WDPCP: variants seen among roughly 807,000 people sequenced by gnomAD.
The protein encoded by WDPCP is WD repeat containing planar cell polarity effector.
WDPCP carries 71 observed loss-of-function variants against 93.1 expected under a neutral mutation model. The observed-to-expected ratio is 0.76, with a 90% CI of 0.63 to 0.93. The LOEUF (loss-of-function observed/expected upper bound fraction) is 0.93. Among genes scored for constraint, WDPCP ranks in the 40% least tolerant of loss-of-function variants. The probability of loss-of-function intolerance (pLI) is 0.00; values close to 1 mark genes in which losing one functional copy is unlikely to be tolerated. For missense variants in WDPCP, 844 were observed against 887.4 expected (o/e 0.95, Z 0.62); for synonymous variants, 315 against 315.0 (o/e 1.00, Z 0.00).
In WDPCP at chr2:63,434,385, T is replaced by C. The variant is rs796467617; in HGVS notation, c.634-449A>G. Among the ~76,000 whole-genome samples, 23 of 152,250 alleles carry C rather than the reference T, an allele frequency of 1.5e-4. 1 individual carries two copies. Among genetic ancestry groups the C allele is most frequent in the African/African-American group, 3.6e-4 (15 of 41,554 alleles). The stretch of plus-strand genomic sequence containing the variant: ...GGAAAAACAACTTGAGGCAAATATC[T>C]CTTTAAAGAATATATGCGACGTATA... On this transcript the variant is annotated intron_variant, in intron 8 of 17. Coordinates refer to ENST00000272321, the MANE Select transcript of WDPCP (RefSeq NM_015910.7).
chr2:63,836,044 G>C, the WDPCP span, among the ~76,000 whole-genome samples: 2 of 152,074 alleles, frequency 1.3e-5, no homozygotes, highest in African/African-American at 4.8e-5. Context: ...AGTAGAGAAG[G>C]GGGTTTAATC....
intron 10 of WDPCP, among the ~76,000 whole-genome samples, chr2:63,392,771 T>C (rs1055070935): frequency 3.3e-5 from 5 of 152,170 alleles, no homozygotes; most frequent in Non-Finnish European, 7.4e-5. Flanking sequence ...ATGCAGCCAA[T>C]AGACACATGA....
intron 3 of WDPCP, among the ~76,000 whole-genome samples, chr2:63,617,439 T>C (rs1326648511): frequency 6.6e-6 from 1 of 152,144 alleles, no homozygotes; most frequent in Non-Finnish European, 1.5e-5. Context: ...CTGACATAGA[T>C]TAATAGGAGA....
chr2:63,484,690 C>A, intron 5 of WDPCP, 27 bp from the exon 6 acceptor site: 2 of 1,612,404 alleles, frequency 1.2e-6, no homozygotes, highest in South Asian at 1.1e-5. Context: ...AAAGAGAGAG[C>A]GTAGTTGGCT....
rs562554717 is a variant in WDPCP at position 63,612,567 on chromosome 2, T to C, written n.488+38092A>G. On this transcript the variant is annotated intron_variant and non_coding_transcript_variant, in intron 3 of 4. Transcript: ENST00000467687. ...AGAAGACAGAAAGTTGGCACTGACA[T>C]GGACATATGAAAACAAACCTTATTC... Among the ~76,000 whole-genome samples the C allele has an allele frequency of 2.0e-5, 3 of 152,310 alleles. No homozygotes were observed. The South Asian group carries it at 6.2e-4, about 32-fold the overall frequency.
chr2:63,614,561 T>C (rs1709652588), intron 3 of WDPCP, among the ~76,000 whole-genome samples: 1 of 152,128 alleles, frequency 6.6e-6, no homozygotes, highest in African/African-American at 2.4e-5. Context: ...AAGCAAAGTC[T>C]CTCTCTGACC....
intron 13 of WDPCP, among the ~76,000 whole-genome samples, chr2:63,310,014 A>G (rs1686057704): frequency 2.0e-5 from 3 of 152,182 alleles, no homozygotes; most frequent in Admixed American, 1.3e-4. Context: ...ATAGCTACCT[A>G]AATTCCAGCA....
At chr2:63,527,587 T>C (rs1052728104) in intron 1 of WDPCP, among the ~76,000 whole-genome samples, 48 of 152,050 alleles carry the variant, frequency 3.2e-4, no homozygotes, top group Non-Finnish European at 5.9e-4. Context: ...CCATGGTGTA[T>C]ATGTGCCACA....
rs747517141 is a variant in WDPCP, at chr2:63,313,262, G to C, written c.1798C>G (p.Arg600Gly). ...AFLLAVDVGARDLFMDIHYLA... is the reference protein window; with the variant it reads ...AFLLAVDVGAGDLFMDIHYLA... Reference sequence around the variant, plus strand: ...AAATGACTCACCATAAAGAGGTCACGAGCACCAACGTCAACAGCTAGGAGA... The same window carrying C: ...AAATGACTCACCATAAAGAGGTCACCAGCACCAACGTCAACAGCTAGGAGA... Residue 600 changes from arginine to glycine, a missense_variant, in exon 13 of 18, where the codon CGT (arginine) becomes GGT (glycine). By Grantham distance (125) the Arg-to-Gly change is moderately radical (BLOSUM62 -2). Transcript: ENST00000272321. 6.2e-7 allele frequency: 1 copy of C among 1,613,608 alleles called. No individual in the cohort carries two copies. The highest frequency in any genetic ancestry group is 8.5e-7 in the Non-Finnish European group (1 of 1,179,718).
chr2:63,580,080 A>G, intron 1 of WDPCP, among the ~76,000 whole-genome samples: 1 of 152,210 alleles, frequency 6.6e-6, no homozygotes, highest in East Asian at 1.9e-4. Context: ...TGGACTTCCA[A>G]GCCTCCAGGA....
In WDPCP at chr2:63,709,089, CGGGCTTGGTG is replaced by C. The variant is rs1558890790; in HGVS notation, n.309-58261_309-58252del. Among the ~76,000 whole-genome samples, 481 of 84,280 alleles carry C rather than the reference CGGGCTTGGTG, an allele frequency of 5.7e-3. 36 individuals are homozygous for C. The highest frequency in any genetic ancestry group is 9.0e-3 in the Non-Finnish European group (323 of 35,930). The allele number at this position is 84,280 out of a possible 152,430, so 55.3% of individuals were successfully genotyped here. A position where few individuals can be genotyped will look rare whatever the true frequency, so the allele number is the denominator to read the frequency against. The stretch of plus-strand genomic sequence containing the variant: ...AAAAAAAAAAAAAAAAAAAATGACC[CGGGCTTGGTG>C]ATGTATGCCTGTAATCCCAGATACT... On this transcript the variant is annotated intron_variant and non_coding_transcript_variant, in intron 2 of 4. Transcript: ENST00000467687.
In WDPCP at chr2:63,553,925, T is replaced by C. The variant is rs565418401; in HGVS notation, c.75+34272A>G. Among the ~76,000 whole-genome samples, 158 of 152,320 alleles carry C rather than the reference T, an allele frequency of 1.0e-3. 1 individual carries two copies. Among genetic ancestry groups the C allele is most frequent in the Middle Eastern group, 3.4e-3 (1 of 294 alleles). On this transcript the variant is annotated intron_variant, in intron 1 of 17. Transcript: ENST00000272321. Reference sequence around the variant, plus strand: ...TTAAGTTGCAGACACAATGCTCCATTACCCCTTGATATGTCAGTGTGTATT... The same window carrying C: ...TTAAGTTGCAGACACAATGCTCCATCACCCCTTGATATGTCAGTGTGTATT...
the WDPCP span, among the ~76,000 whole-genome samples, chr2:63,839,359 A>T: frequency 2.6e-5 from 4 of 152,186 alleles, no homozygotes; most frequent in African/African-American, 9.6e-5. Context: ...GGGGTTTGAG[A>T]CCAGCCTGGC....
chr2:63,372,714 A>G (rs937742716), intron 12 of WDPCP, among the ~76,000 whole-genome samples: 1 of 152,218 alleles, frequency 6.6e-6, no homozygotes, highest in Non-Finnish European at 1.5e-5. Context: ...TGTACACTGA[A>G]GCTATGTTAC....
At chr2:63,253,504 G>C (rs1680905576) in intron 14 of WDPCP, among the ~76,000 whole-genome samples, 1 of 151,876 alleles carries the variant, frequency 6.6e-6, no homozygotes, top group Non-Finnish European at 1.5e-5. Flanking sequence ...ATTTAACAAA[G>C]GACTAATAAG....
intron 14 of WDPCP, among the ~76,000 whole-genome samples, chr2:63,227,768 G>A (rs886091572): frequency 4.6e-5 from 7 of 152,056 alleles, no homozygotes; most frequent in African/African-American, 1.7e-4. Context: ...CTTGCAAATA[G>A]CATGTGCTAA....
At chr2:63,577,607 T>C (rs1708204559) in intron 1 of WDPCP, among the ~76,000 whole-genome samples, 1 of 152,178 alleles carries the variant, frequency 6.6e-6, no homozygotes. Context: ...CCAAAAACTG[T>C]TCTACATTTT....
intron 12 of WDPCP, among the ~76,000 whole-genome samples, chr2:63,371,397 C>G (rs565536850): frequency 5.5e-4 from 84 of 152,214 alleles, no homozygotes; most frequent in African/African-American, 1.9e-3. Context: ...AAGGACAATT[C>G]TCAACACAGG....
At chr2:63,436,456 C>T (rs976327024) in intron 8 of WDPCP, among the ~76,000 whole-genome samples, 3 of 152,044 alleles carry the variant, frequency 2.0e-5, no homozygotes, top group Non-Finnish European at 4.4e-5. Flanking sequence ...ACCACCACCT[C>T]ATTCATAAGT....
Sources: allele counts gnomAD v4.1 joint callset (sites outside exome capture counted in the v4.1 genomes callset), GRCh38; gene constraint gnomAD v4.1.1; transcripts MANE v1.5; gene names NCBI Gene and HGNC (gene_info 2026-07-23, HGNC 2026-07-21).